UBE2V1: variants seen among roughly 807,000 people sequenced by gnomAD.
The protein encoded by UBE2V1 is ubiquitin-conjugating enzyme E2 variant 1.
A neutral mutation model predicts 19.6 loss-of-function variants in UBE2V1; 15 were observed. The ratio of observed to expected loss-of-function variants is 0.77; its 90% CI spans 0.51 to 1.18. The LOEUF (loss-of-function observed/expected upper bound fraction) is 1.18, where lower values mean the gene tolerates loss of function less well. Ranked by LOEUF, UBE2V1 falls within the 50% of genes most tolerant of loss-of-function variation. The pLI, the probability that UBE2V1 is intolerant of heterozygous loss-of-function variation, is 0.00. For missense variants in UBE2V1, 125 were observed against 184.8 expected, an observed-to-expected ratio of 0.68 and a Z score of 1.88; for synonymous variants, 60 against 60.7, an observed-to-expected ratio of 0.99 and a Z score of 0.05.
chr20:50,099,716 A>G (rs969378228), intron 1 of UBE2V1, among the ~76,000 whole-genome samples: 1 of 152,074 alleles, frequency 6.6e-6, no homozygotes, highest in Non-Finnish European at 1.5e-5. Flanking sequence ...CTTCATCTCA[A>G]TAAGGATCAA....
rs552029545 is a variant in UBE2V1, at chr20:50,087,216, T to C, written c.172-2962A>G. Among the ~76,000 whole-genome samples the C allele has an allele frequency of 3.3e-4, 50 of 152,192 alleles. 1 individual carries two copies. Among genetic ancestry groups the C allele is most frequent in the East Asian group, 3.9e-4 (2 of 5,182 alleles). On this transcript the variant is annotated intron_variant, in intron 2 of 3. Coordinates refer to ENST00000371674, the MANE Select transcript of UBE2V1 (RefSeq NM_001032288.3). ...TTCGAGACCCATCTGGCCAACATGA[T>C]GAAACCCTGTCTCTACTAAAAATAC...
chr20:50,110,853 G>T (rs111582795), intron 1 of UBE2V1, among the ~76,000 whole-genome samples: 2 of 151,974 alleles, frequency 1.3e-5, no homozygotes, highest in Non-Finnish European at 2.9e-5. Flanking sequence ...CCCACCACAG[G>T]GCCTTTGCAC....
chr20:50,097,494 T>C (rs1210075616), intron 1 of UBE2V1, among the ~76,000 whole-genome samples: 1 of 152,208 alleles, frequency 6.6e-6, no homozygotes, highest in Non-Finnish European at 1.5e-5. Context: ...CAAGCCACAG[T>C]ACCGGGTTCA....
intron 2 of UBE2V1, among the ~76,000 whole-genome samples, chr20:50,088,223 C>G (rs1165767549): frequency 2.0e-5 from 3 of 151,698 alleles, no homozygotes; most frequent in Non-Finnish European, 4.4e-5. Context: ...GTCATTGCCA[C>G]GAGGAGCCAG....
intron 2 of UBE2V1, among the ~76,000 whole-genome samples, chr20:50,088,282 C>T (rs186635998): frequency 6.6e-6 from 1 of 151,732 alleles, no homozygotes; most frequent in Non-Finnish European, 1.5e-5. Context: ...GATTCTGGAA[C>T]AAAAAACAGA....
rs1209049303 is a variant in UBE2V1, at chr20:50,081,621, A to T, written c.*1147T>A. The T allele has an allele frequency of 1.9e-5, 3 of 161,254 alleles. No homozygotes were observed. The East Asian group carries it at 4.9e-4, about 27-fold the overall frequency. The allele number at this position is 161,254 out of a possible 1,614,324, so 10.0% of individuals were successfully genotyped here. A position where few individuals can be genotyped will look rare whatever the true frequency, so the allele number is the denominator to read the frequency against. On this transcript the variant is annotated 3_prime_UTR_variant, in exon 4 of 4. Coordinates refer to ENST00000371674, the MANE Select transcript of UBE2V1 (RefSeq NM_001032288.3). Reference sequence around the variant, plus strand: ...TTGTCAGATTCCAAACTAGACCCCAATGGATTGCAAGGATGACCAAATGAA... The same window carrying T: ...TTGTCAGATTCCAAACTAGACCCCATTGGATTGCAAGGATGACCAAATGAA...
At chr20:50,092,059 T>C (rs150721191) in intron 2 of UBE2V1, among the ~76,000 whole-genome samples, 1 of 151,814 alleles carries the variant, frequency 6.6e-6, no homozygotes, top group East Asian at 1.9e-4. Context: ...GGTGGGCTCA[T>C]GCCTGTAATC....
At chr20:50,101,195 T>C (rs1427883271) in intron 1 of UBE2V1, among the ~76,000 whole-genome samples, 1 of 152,196 alleles carries the variant, frequency 6.6e-6, no homozygotes, top group African/African-American at 2.4e-5. Context: ...CTGACTCAAG[T>C]TGTAAAGCCA....
chr20:50,092,352 A>G (rs2079290763), intron 2 of UBE2V1, among the ~76,000 whole-genome samples: 1 of 152,056 alleles, frequency 6.6e-6, no homozygotes, highest in African/African-American at 2.4e-5. Context: ...ATTTTGGAGA[A>G]CCCCAGAGGC....
chr20:50,089,674 A>G (rs1600991533), intron 2 of UBE2V1, among the ~76,000 whole-genome samples: 2 of 152,270 alleles, frequency 1.3e-5, no homozygotes, highest in East Asian at 3.9e-4. Context: ...TCCTTTGTAC[A>G]GAGACTCTCC....
chr20:50,112,705 C>T (rs1478739048), intron 1 of UBE2V1, among the ~76,000 whole-genome samples: 3 of 152,246 alleles, frequency 2.0e-5, no homozygotes, highest in African/African-American at 7.2e-5. Context: ...CAGCCGCACC[C>T]CTGGCACCCA....
intron 1 of UBE2V1, among the ~76,000 whole-genome samples, chr20:50,102,061 CA>C (rs892442769): frequency 6.6e-6 from 1 of 152,180 alleles, no homozygotes; most frequent in African/African-American, 2.4e-5. Context: ...AGGTAATGAT[CA>C]GCTTTGGGGT....
chr20:50,094,476 C>A (rs2079507123), intron 2 of UBE2V1, among the ~76,000 whole-genome samples: 1 of 151,282 alleles, frequency 6.6e-6, no homozygotes, highest in Admixed American at 6.6e-5. Context: ...TAGAAACAAC[C>A]CAAATGTTCA....
chr20:50,082,372 AG>A lies in UBE2V1; in HGVS notation c.*395del, dbSNP rs1255651312. 3 of 188,024 alleles carry A rather than the reference AG, an allele frequency of 1.6e-5. No individual in the cohort carries two copies. The highest frequency in any genetic ancestry group is 3.3e-5 in the Non-Finnish European group (3 of 89,668). The allele number at this position is 188,024 out of a possible 1,614,324, so 11.6% of individuals were successfully genotyped here. ...GGGCTGTTGTTGCAGGGAGGGTGGGAGGCGGGAGGGTAAGGGGAGAAGGCAG... is the reference window on the plus strand; with the variant it reads ...GGGCTGTTGTTGCAGGGAGGGTGGGAGCGGGAGGGTAAGGGGAGAAGGCAG... On this transcript the variant is annotated 3_prime_UTR_variant, in exon 4 of 4. Coordinates refer to ENST00000371674, the MANE Select transcript of UBE2V1 (RefSeq NM_001032288.3).
At chr20:50,101,995 G>A (rs2080031423) in intron 1 of UBE2V1, among the ~76,000 whole-genome samples, 1 of 152,170 alleles carries the variant, frequency 6.6e-6, no homozygotes, top group East Asian at 1.9e-4. Flanking sequence ...GGGTAATCGG[G>A]GGGAGCTGCA....
At chr20:50,111,706 A>C in intron 1 of UBE2V1, 1 of 496,526 alleles carries the variant, frequency 2.0e-6, no homozygotes, top group Non-Finnish European at 2.6e-6. Context: ...TCCCACCCCA[A>C]CCATCAGGCA....
At chr20:50,098,574 G>C (rs1423741986) in intron 1 of UBE2V1, among the ~76,000 whole-genome samples, 1 of 152,184 alleles carries the variant, frequency 6.6e-6, no homozygotes, top group South Asian at 2.1e-4. Flanking sequence ...GGTTGCCTGT[G>C]AGGTGTGAGA....
chr20:50,104,098 G>C (rs919228355), intron 1 of UBE2V1, among the ~76,000 whole-genome samples: 2 of 142,872 alleles, frequency 1.4e-5, no homozygotes, highest in African/African-American at 5.2e-5. Context: ...CCTGGCCAAC[G>C]TGGTGAAACC....
intron 2 of UBE2V1, among the ~76,000 whole-genome samples, chr20:50,094,163 T>G (rs1426802920): frequency 1.8e-5 from 2 of 114,114 alleles, no homozygotes; most frequent in Non-Finnish European, 3.5e-5. Flanking sequence ...TTATATGTAA[T>G]ATATATTACA....
Sources: gnomAD v4.1 joint callset for allele counts (sites outside exome capture counted in the v4.1 genomes callset) on GRCh38, gnomAD v4.1.1 for gene constraint, MANE v1.5 for transcripts, NCBI Gene and HGNC (gene_info 2026-07-23, HGNC 2026-07-21) for gene names.